Variants in CDH13 observed in about 807,000 individuals in gnomAD.
CDH13 encodes cadherin-13.
CDH13 carries 24 observed loss-of-function variants against 63.8 expected under a neutral mutation model. The observed-to-expected ratio is 0.38, with a 90% CI of 0.27 to 0.53. The LOEUF is 0.53. Ranked by LOEUF, CDH13 falls within the 20% of genes least tolerant of loss-of-function variation. CDH13 has a pLI of 0.85. For synonymous variants in CDH13, 503 were observed against 355.3 expected (o/e 1.42, Z -4.67); for missense variants, 1,049 against 903.1 (o/e 1.16, Z -2.07).
chr16:82,751,603 C>G (rs1235161020), intron 1 of CDH13, among the ~76,000 whole-genome samples: 2 of 151,520 alleles, frequency 1.3e-5, no homozygotes, highest in Non-Finnish European at 2.9e-5. Context: ...CTGGAAAGGT[C>G]AGACTTATCC....
intron 1 of CDH13, among the ~76,000 whole-genome samples, chr16:82,780,025 C>G (rs1056644009): frequency 6.6e-6 from 1 of 152,066 alleles, no homozygotes; most frequent in Non-Finnish European, 1.5e-5. Context: ...CCATTTTGCC[C>G]ATGATTTCAG....
intron 1 of CDH13, among the ~76,000 whole-genome samples, chr16:82,684,562 A>T (rs1018090817): frequency 6.6e-6 from 1 of 152,076 alleles, no homozygotes; most frequent in Admixed American, 6.6e-5. Flanking sequence ...TAGACCATGA[A>T]GTCAGGATCT....
At chr16:82,784,464 C>T (rs765704542) in intron 1 of CDH13, among the ~76,000 whole-genome samples, 1 of 152,180 alleles carries the variant, frequency 6.6e-6, no homozygotes, top group Non-Finnish European at 1.5e-5. Flanking sequence ...CTCCCCCACA[C>T]CCTGCTTTCA....
chr16:83,419,193 C>T (rs565704183), intron 6 of CDH13, among the ~76,000 whole-genome samples: 2 of 152,072 alleles, frequency 1.3e-5, no homozygotes, highest in Non-Finnish European at 2.9e-5. Context: ...CCTATCGTGC[C>T]CCCTGCCTCT....
intron 3 of CDH13, among the ~76,000 whole-genome samples, chr16:83,080,356 T>C (rs2033146911): frequency 6.6e-6 from 1 of 152,172 alleles, no homozygotes; most frequent in South Asian, 2.1e-4. Flanking sequence ...GAAAATTTGG[T>C]TGCCCTCATG....
intron 4 of CDH13, among the ~76,000 whole-genome samples, chr16:83,183,936 A>C (rs1217143681): frequency 1.3e-5 from 2 of 152,104 alleles, no homozygotes; most frequent in Non-Finnish European, 2.9e-5. Context: ...TCACCACCCC[A>C]ATCCCAAAAT....
intron 2 of CDH13, among the ~76,000 whole-genome samples, chr16:82,883,243 T>C (rs1376416271): frequency 6.6e-6 from 1 of 152,250 alleles, no homozygotes; most frequent in African/African-American, 2.4e-5. Flanking sequence ...CAGTGTCATC[T>C]CATGATCTAT....
chr16:82,828,579 A>G (rs2038372272), intron 1 of CDH13, among the ~76,000 whole-genome samples: 1 of 152,066 alleles, frequency 6.6e-6, no homozygotes, highest in African/African-American at 2.4e-5. Flanking sequence ...GTGAGATCAC[A>G]CCACTGCACT....
intron 2 of CDH13, among the ~76,000 whole-genome samples, chr16:82,928,940 T>C (rs1234680049): frequency 6.6e-6 from 1 of 152,202 alleles, no homozygotes; most frequent in Non-Finnish European, 1.5e-5. Flanking sequence ...GATGTTTCAG[T>C]CTCAGTCTAG....
chr16:82,773,245 C>T (rs903561393), intron 1 of CDH13: 1 of 152,246 alleles, frequency 6.6e-6, no homozygotes, highest in African/African-American at 2.4e-5. Flanking sequence ...ATAAATGTCC[C>T]TCTTGTTCTT....
chr16:83,551,471 C>G (rs1166841017), intron 7 of CDH13, among the ~76,000 whole-genome samples: 2 of 152,162 alleles, frequency 1.3e-5, no homozygotes, highest in Non-Finnish European at 2.9e-5. Flanking sequence ...CATGACAACC[C>G]ACCTCCTAGT....
At chr16:83,213,135 C>G (rs1354427088) in intron 4 of CDH13, among the ~76,000 whole-genome samples, 1 of 152,150 alleles carries the variant, frequency 6.6e-6, no homozygotes, top group Non-Finnish European at 1.5e-5. Flanking sequence ...CTGGGGCCCT[C>G]ACAATGGGGA....
chr16:83,103,392 C>G (rs1284716459), intron 3 of CDH13, among the ~76,000 whole-genome samples: 2 of 142,954 alleles, frequency 1.4e-5, no homozygotes, highest in Admixed American at 7.0e-5. Flanking sequence ...ACTACAGGCA[C>G]GTGCCACCAC....
intron 7 of CDH13, among the ~76,000 whole-genome samples, chr16:83,528,691 G>C (rs546082266): frequency 2.0e-5 from 3 of 152,256 alleles, no homozygotes; most frequent in African/African-American, 4.8e-5. Context: ...TTCTCTGACA[G>C]TGCTGAGATG....
chr16:82,678,432 G>C (rs1185894807), intron 1 of CDH13, among the ~76,000 whole-genome samples: 1 of 151,144 alleles, frequency 6.6e-6, no homozygotes, highest in Non-Finnish European at 1.5e-5. Flanking sequence ...TTTCAGTCTA[G>C]AATGTTCACT....
chr16:83,228,038 G>C (rs998405809), intron 5 of CDH13, among the ~76,000 whole-genome samples: 1 of 152,154 alleles, frequency 6.6e-6, no homozygotes. Context: ...GGGAGACACT[G>C]CTTGGTCCAG....
chr16:82,844,908 G>C (rs2039195776), intron 1 of CDH13, among the ~76,000 whole-genome samples: 1 of 151,860 alleles, frequency 6.6e-6, no homozygotes, highest in Admixed American at 6.5e-5. Flanking sequence ...GCCTGCCTCA[G>C]TCCCCCAAAG....
chr16:83,678,602 TAGAG>T (rs1488035705), intron 10 of CDH13, 141 bp downstream of exon 10: 1 of 1,112,806 alleles, frequency 9.0e-7, no homozygotes, highest in African/African-American at 1.6e-5. Flanking sequence ...GAAAGCGTCA[TAGAG>T]AGGAGGTTGT....
intron 6 of CDH13, among the ~76,000 whole-genome samples, chr16:83,390,456 C>CTTT (rs113553312): frequency 0.023 from 3,376 of 149,162 alleles, 92 homozygotes; most frequent in African/African-American, 0.07. Flanking sequence ...TTTACAAATA[C>CTTT]TTTTTTTTTT....
Sources: gnomAD v4.1 joint callset for allele counts (sites outside exome capture counted in the v4.1 genomes callset) on GRCh38, gnomAD v4.1.1 for gene constraint, MANE v1.5 for transcripts, NCBI Gene and HGNC (gene_info 2026-07-23, HGNC 2026-07-21) for gene names.